PTK2B: variants seen among roughly 807,000 people sequenced by gnomAD.
PTK2B encodes protein tyrosine kinase 2 beta, also known as protein-tyrosine kinase 2-beta.
PTK2B carries 71 observed loss-of-function variants against 142.9 expected under a neutral mutation model. The observed-to-expected ratio is 0.50, with a 90% CI of 0.41 to 0.61. PTK2B has a LOEUF of 0.61. Ranked by LOEUF, PTK2B falls within the 20% of genes least tolerant of loss-of-function variation. The pLI is 0.00. For missense variants in PTK2B, 1,105 were observed against 1,320.4 expected, an observed-to-expected ratio of 0.84 and a Z score of 2.53; for synonymous variants, 519 against 503.4, an observed-to-expected ratio of 1.03 and a Z score of -0.42.
chr8:27,433,573 A>C (rs773440744), intron 11 of PTK2B, 21 bp downstream of exon 11: 1 of 1,600,994 alleles, frequency 6.2e-7, no homozygotes, highest in African/African-American at 1.3e-5. Context: ...TTTAAAGGTA[A>C]AGTGGCTGGA....
Position 27,353,838 on chromosome 8 carries a change from G to T in PTK2B, c.-38+28157G>T, listed in dbSNP as rs113253546. On this transcript the variant is annotated intron_variant, in intron 1 of 30. Transcript: ENST00000346049. ...GGACAAAGAGCCTCAGCAGAAATGG[G>T]CCTGCTATTGAAGATGAAGCAGGGA... Among the ~76,000 whole-genome samples the T allele has an allele frequency of 5.9e-3, 894 of 152,300 alleles. 5 individuals carry two copies. Among genetic ancestry groups the T allele is most frequent in the African/African-American group, 0.019 (804 of 41,558 alleles).
chr8:27,458,444 A>G lies in PTK2B; in HGVS notation c.2965A>G (p.Asn989Asp). ...ASHTLAVDAK[N>D]LLDAVDQAKV... is the part of the protein sequence containing the mutation. ...ACACACCCTGGCTGTGGACGCCAAG[A>G]ACCTGCTCGACGCTGTGGACCAGGC... Residue 989 changes from asparagine (N) to aspartate (D), a missense_variant, in exon 31 of 31, where the codon AAC becomes GAC. Transcript: ENST00000346049. 1 of 1,607,554 alleles carries G rather than the reference A, an allele frequency of 6.2e-7. No individual in the cohort carries two copies. Among genetic ancestry groups the G allele is most frequent in the Non-Finnish European group, 8.5e-7 (1 of 1,176,964 alleles).
chr8:27,371,906 A>C (rs765139681), intron 1 of PTK2B, among the ~76,000 whole-genome samples: 2 of 152,170 alleles, frequency 1.3e-5, no homozygotes, highest in Non-Finnish European at 2.9e-5. Context: ...TCTACTGAGC[A>C]CCTCGTGTGT....
rs539188324 is a variant in PTK2B at position 27,369,458 on chromosome 8, T to C, written c.-37-28090T>C. Among the ~76,000 whole-genome samples the C allele has an allele frequency of 2.6e-5, 4 of 151,462 alleles. 1 individual carries two copies. Among genetic ancestry groups the C allele is most frequent in the African/African-American group, 9.7e-5 (4 of 41,242 alleles). On this transcript the variant is annotated intron_variant, in intron 1 of 30. Coordinates refer to ENST00000346049, the MANE Select transcript of PTK2B (RefSeq NM_173176.3). ...GCCGAGGAGGGTGGATCACCTGAGA[T>C]CAGGAGTTCGAGACCAGCCTGGCCA...
In PTK2B at chr8:27,420,690, C is replaced by A; in HGVS notation, c.417C>A (p.Asp139Glu). 6.2e-7 allele frequency: 1 copy of A among 1,614,172 alleles called. No homozygotes were observed. Among genetic ancestry groups the A allele is most frequent in the Non-Finnish European group, 8.5e-7 (1 of 1,180,012 alleles). Residue 139 changes from aspartate to glutamate, a missense_variant, in exon 4 of 31, where the codon GAC becomes GAA. Asp to Glu is a conservative substitution (Grantham distance 45, BLOSUM62 2). Transcript: ENST00000346049. The stretch of plus-strand genomic sequence containing the variant: ...TTCAAATCCGCTACTTGCCAGAAGA[C>A]TTCATGGAGAGCCTGAAGGAGGACA... The part of the protein sequence containing the change: ...YDLQIRYLPE[D>E]FMESLKEDRT...
At chr8:27,390,428 A>C (rs898820750) in intron 1 of PTK2B, among the ~76,000 whole-genome samples, 3 of 152,172 alleles carry the variant, frequency 2.0e-5, no homozygotes, top group African/African-American at 7.2e-5. Flanking sequence ...TGAGGCCGGG[A>C]GTTCAAGACC....
intron 30 of PTK2B, among the ~76,000 whole-genome samples, chr8:27,457,966 A>G (rs893891484): frequency 3.1e-5 from 4 of 129,330 alleles, no homozygotes; most frequent in African/African-American, 1.2e-4. Context: ...CAGGAACAAA[A>G]CTCAGTCTCA....
intron 1 of PTK2B, chr8:27,311,807 C>A (rs911997113): frequency 6.6e-6 from 1 of 152,384 alleles, no homozygotes; most frequent in African/African-American, 2.4e-5. Flanking sequence ...TTCTTCTGGC[C>A]CGCCGCGGTA....
At chr8:27,458,035 G>A (rs1424699086) in intron 30 of PTK2B, among the ~76,000 whole-genome samples, 1 of 151,622 alleles carries the variant, frequency 6.6e-6, no homozygotes, top group Non-Finnish European at 1.5e-5. Flanking sequence ...GAGGTATGAG[G>A]GGATGTTTCC....
chr8:27,351,942 C>T (rs111854461), intron 1 of PTK2B, among the ~76,000 whole-genome samples: 16 of 152,270 alleles, frequency 1.1e-4, no homozygotes, highest in African/African-American at 3.6e-4. Context: ...TGAATGCCAT[C>T]CCCCGCAGAA....
intron 23 of PTK2B, 43 bp from the exon 24 acceptor site, chr8:27,445,751 C>T (rs1360531631): frequency 7.5e-6 from 12 of 1,609,526 alleles, no homozygotes; most frequent in Non-Finnish European, 8.5e-6. Flanking sequence ...TCTACCTTCT[C>T]GCTTTGTCCC....
At chr8:27,385,202 C>T (rs926804005) in intron 1 of PTK2B, among the ~76,000 whole-genome samples, 21 of 152,150 alleles carry the variant, frequency 1.4e-4, no homozygotes, top group African/African-American at 4.8e-4. Context: ...AAAGTGCTAG[C>T]CCAGGGTTGG....
chr8:27,327,376 C>T (rs1803483637), intron 1 of PTK2B, among the ~76,000 whole-genome samples: 1 of 151,922 alleles, frequency 6.6e-6, no homozygotes, highest in Non-Finnish European at 1.5e-5. Context: ...AAGCACGGGA[C>T]ACTCAGATTT....
chr8:27,406,855 G>A (rs896064861), intron 2 of PTK2B, among the ~76,000 whole-genome samples: 11 of 152,162 alleles, frequency 7.2e-5, no homozygotes, highest in Non-Finnish European at 1.2e-4. Context: ...ATGTTGAAGC[G>A]ACACCTGCCC....
intron 24 of PTK2B, among the ~76,000 whole-genome samples, chr8:27,450,236 C>T (rs1015945604): frequency 6.6e-6 from 1 of 152,162 alleles, no homozygotes; most frequent in Non-Finnish European, 1.5e-5. Flanking sequence ...AGAGGCAGCA[C>T]CCCTGTCTCT....
chr8:27,437,672 C>T, intron 17 of PTK2B, 93 bp from the exon 18 acceptor site: 1 of 1,347,694 alleles, frequency 7.4e-7, no homozygotes, highest in Non-Finnish European at 1.0e-6. Context: ...CCCACCGCCC[C>T]CAGGGAAGGG....
intron 2 of PTK2B, among the ~76,000 whole-genome samples, chr8:27,403,867 T>C (rs1808536812): frequency 6.6e-6 from 1 of 151,866 alleles, no homozygotes; most frequent in South Asian, 2.1e-4. Flanking sequence ...TTTCTTCTTC[T>C]TTCTCCCTTC....
At chr8:27,330,810 T>A (rs967246373) in intron 1 of PTK2B, among the ~76,000 whole-genome samples, 2 of 152,172 alleles carry the variant, frequency 1.3e-5, no homozygotes, top group African/African-American at 4.8e-5. Context: ...CAGGAGACCC[T>A]CCAGGTAGGC....
At chr8:27,381,593 T>C (rs1258376010) in intron 1 of PTK2B, among the ~76,000 whole-genome samples, 1 of 152,222 alleles carries the variant, frequency 6.6e-6, no homozygotes, top group Non-Finnish European at 1.5e-5. Flanking sequence ...CTATTGTGAG[T>C]AGTGCTGCAA....
Sources: gnomAD v4.1 joint callset for allele counts (sites outside exome capture counted in the v4.1 genomes callset) on GRCh38, gnomAD v4.1.1 for gene constraint, MANE v1.5 for transcripts, NCBI Gene and HGNC (gene_info 2026-07-23, HGNC 2026-07-21) for gene names.